ZNF385D: variants seen among roughly 807,000 people sequenced by gnomAD.
ZNF385D encodes zinc finger protein 385D, also known as zinc finger protein 659.
Under a neutral mutation model 35.8 loss-of-function variants are expected in ZNF385D, and 15 were observed. That is an observed-to-expected ratio of 0.42 (90% CI 0.28 to 0.64). The LOEUF (loss-of-function observed/expected upper bound fraction) is 0.64, where lower values mean the gene tolerates loss of function less well. Ranked by LOEUF, ZNF385D falls within the 30% of genes least tolerant of loss-of-function variation. ZNF385D has a pLI of 0.23. For missense variants in ZNF385D, 474 were observed against 494.6 expected (o/e 0.96, Z 0.39); for synonymous variants, 212 against 186.8 (o/e 1.13, Z -1.10).
rs533499646 is a variant in ZNF385D, at chr3:22,105,228, T to C, written c.325+63589A>G. Among the ~76,000 whole-genome samples the C allele has an allele frequency of 3.1e-3, 472 of 152,078 alleles. 7 individuals carry two copies. The highest frequency in any genetic ancestry group is 0.01 in the African/African-American group (425 of 41,494). On this transcript the variant is annotated intron_variant, in intron 3 of 5. Coordinates refer to the ZNF385D transcript ENST00000494108. ...AAAATAGTATCATTAAAATGATACT[T>C]TTCTCTACTGAAAATATTAAGTGCC... is the stretch of plus-strand genomic sequence containing the variant.
chr3:21,782,873 T>C (rs758634050), intron 3 of ZNF385D, among the ~76,000 whole-genome samples: 6 of 152,206 alleles, frequency 3.9e-5, no homozygotes, highest in Admixed American at 1.3e-4. Context: ...AGAACAGAAA[T>C]GTAACTTAAC....
At chr3:21,676,180 T>G (rs1258622193) in intron 1 of ZNF385D, among the ~76,000 whole-genome samples, 1 of 152,090 alleles carries the variant, frequency 6.6e-6, no homozygotes, top group Non-Finnish European at 1.5e-5. Context: ...TCTCTAGCAT[T>G]TGCAGTACCC....
chr3:22,217,915 G>C (rs1236004425), intron 2 of ZNF385D, among the ~76,000 whole-genome samples: 3 of 152,084 alleles, frequency 2.0e-5, no homozygotes, highest in Non-Finnish European at 4.4e-5. Flanking sequence ...GAGAATATTA[G>C]AACAGCACTC....
intron 1 of ZNF385D, among the ~76,000 whole-genome samples, chr3:21,672,411 A>C (rs2066603039): frequency 6.6e-6 from 1 of 152,014 alleles, no homozygotes; most frequent in African/African-American, 2.4e-5. Flanking sequence ...GTTGAAACTC[A>C]AGGTCTGATC....
chr3:21,810,756 A>C (rs2072881941), intron 3 of ZNF385D, among the ~76,000 whole-genome samples: 1 of 151,964 alleles, frequency 6.6e-6, no homozygotes, highest in African/African-American at 2.4e-5. Flanking sequence ...ATGGGATTAG[A>C]TGCATATGAA....
chr3:21,683,341 C>T (rs1171557912), intron 1 of ZNF385D, among the ~76,000 whole-genome samples: 1 of 149,610 alleles, frequency 6.7e-6, no homozygotes, highest in Non-Finnish European at 1.5e-5. Flanking sequence ...CAGTTGACTT[C>T]AAAAAGAAGA....
intron 2 of ZNF385D, among the ~76,000 whole-genome samples, chr3:21,569,933 G>A (rs1279002811): frequency 1.3e-5 from 2 of 150,122 alleles, no homozygotes; most frequent in Non-Finnish European, 3.0e-5. Flanking sequence ...GGGAGGGATA[G>A]CATTAGGAGA....
chr3:21,843,745 T>C (rs560231493), intron 3 of ZNF385D, among the ~76,000 whole-genome samples: 1 of 152,016 alleles, frequency 6.6e-6, no homozygotes, highest in South Asian at 2.1e-4. Context: ...ACCCAGCAGA[T>C]GGTGAATTCT....
intron 2 of ZNF385D, among the ~76,000 whole-genome samples, chr3:22,323,284 G>A (rs1694528127): frequency 6.6e-6 from 1 of 152,042 alleles, no homozygotes; most frequent in Admixed American, 6.6e-5. Context: ...CAGACTCCCT[G>A]TTGCTGGTAT....
At chr3:21,644,620 T>C (rs2065698993) in intron 2 of ZNF385D, among the ~76,000 whole-genome samples, 1 of 152,178 alleles carries the variant, frequency 6.6e-6, no homozygotes, top group African/African-American at 2.4e-5. Flanking sequence ...AAGTAAATGA[T>C]GCCATTTGAG....
intron 4 of ZNF385D, among the ~76,000 whole-genome samples, chr3:21,479,194 A>T (rs1704443010): frequency 6.6e-6 from 1 of 150,540 alleles, no homozygotes; most frequent in Admixed American, 6.6e-5. Flanking sequence ...CTAGAGCTCT[A>T]AGTTAATTTG....
At chr3:22,125,051 A>G (rs1264350450) in intron 3 of ZNF385D, among the ~76,000 whole-genome samples, 1 of 152,092 alleles carries the variant, frequency 6.6e-6, no homozygotes, top group Non-Finnish European at 1.5e-5. Flanking sequence ...ATAGTTTGAG[A>G]TCTTAGATTT....
chr3:21,981,297 T>C (rs1478081252), intron 3 of ZNF385D, among the ~76,000 whole-genome samples: 1 of 152,218 alleles, frequency 6.6e-6, no homozygotes, highest in Non-Finnish European at 1.5e-5. Context: ...GTGGTTTTGA[T>C]TTGCATTTCT....
At chr3:21,805,706 T>C (rs1461849679) in intron 3 of ZNF385D, among the ~76,000 whole-genome samples, 1 of 152,114 alleles carries the variant, frequency 6.6e-6, no homozygotes, top group Non-Finnish European at 1.5e-5. Flanking sequence ...TTGCCAAGAG[T>C]ATAGCAACAC....
intron 3 of ZNF385D, among the ~76,000 whole-genome samples, chr3:21,875,547 A>G (rs1270013109): frequency 6.6e-6 from 1 of 152,084 alleles, no homozygotes; most frequent in Non-Finnish European, 1.5e-5. Context: ...CATGTCTTTC[A>G]AAAAGTCACT....
intron 3 of ZNF385D, among the ~76,000 whole-genome samples, chr3:21,785,527 G>A (rs2071655169): frequency 6.6e-6 from 1 of 152,140 alleles, no homozygotes; most frequent in East Asian, 1.9e-4. Context: ...AATAGCTAAA[G>A]CTTTGTACCC....
At chr3:21,955,853 G>C (rs939364007) in intron 3 of ZNF385D, among the ~76,000 whole-genome samples, 1 of 152,016 alleles carries the variant, frequency 6.6e-6, no homozygotes, top group Non-Finnish European at 1.5e-5. Context: ...TAATTCAAAG[G>C]AGGGAATATT....
At chr3:21,525,055 G>T (rs766833582) in intron 3 of ZNF385D, among the ~76,000 whole-genome samples, 5 of 151,374 alleles carry the variant, frequency 3.3e-5, no homozygotes, top group Non-Finnish European at 7.4e-5. Flanking sequence ...GACAACCAGA[G>T]AAAAAAGGGT....
chr3:21,993,917 C>T (rs1310726869), intron 3 of ZNF385D, among the ~76,000 whole-genome samples: 1 of 152,156 alleles, frequency 6.6e-6, no homozygotes, highest in Non-Finnish European at 1.5e-5. Context: ...CCAAACCAAG[C>T]ATTCATCATG....
Sources: allele counts gnomAD v4.1 joint callset (sites outside exome capture counted in the v4.1 genomes callset), GRCh38; gene constraint gnomAD v4.1.1; transcripts MANE v1.5; gene names NCBI Gene and HGNC (gene_info 2026-07-23, HGNC 2026-07-21).